THOC5: variants seen among roughly 807,000 people sequenced by gnomAD.
The protein encoded by THOC5 is Fms-interacting protein.
THOC5 carries 43 observed loss-of-function variants against 92.9 expected under a neutral mutation model. The observed-to-expected ratio is 0.46, with a 90% CI of 0.36 to 0.60. The LOEUF is 0.60. Among genes scored for constraint, THOC5 ranks in the 20% least tolerant of loss-of-function variants. THOC5 has a pLI of 0.00. For synonymous variants in THOC5, 296 were observed against 320.1 expected (o/e 0.92, Z 0.80); for missense variants, 659 against 849.4 (o/e 0.78, Z 2.79).
intron 8 of THOC5, 72 bp from the exon 9 acceptor site, chr22:29,529,311 C>A: frequency 6.6e-7 from 1 of 1,510,580 alleles, no homozygotes; most frequent in South Asian, 1.1e-5. Flanking sequence ...TAGGCCAGCT[C>A]TGGGGCTGCA....
At chr22:29,530,982 AGACT>A (rs1167644877) in intron 8 of THOC5, 4 of 952,080 alleles carry the variant, frequency 4.2e-6, no homozygotes, top group Non-Finnish European at 5.1e-6. Flanking sequence ...GGCAAACAAC[AGACT>A]ATTTTTTTCA....
intron 2 of THOC5, 132 bp from the exon 3 acceptor site, chr22:29,544,735 T>C: frequency 1.1e-6 from 1 of 906,452 alleles, no homozygotes; most frequent in Non-Finnish European, 1.6e-6. Flanking sequence ...CTCTAAAAGA[T>C]CTGGTCCTTA....
rs539460404 is a variant in THOC5 at position 29,524,223 on chromosome 22, G to A, written c.1175+1615C>T. Reference sequence around the variant, plus strand: ...AATCATAATTCTCCACTCTCTACCTGTGACCTTGAGGCTACCCCTTAACTG... The same window carrying A: ...AATCATAATTCTCCACTCTCTACCTATGACCTTGAGGCTACCCCTTAACTG... On this transcript the variant is annotated intron_variant, in intron 12 of 19. Transcript: ENST00000490103. Among the ~76,000 whole-genome samples the A allele has an allele frequency of 2.2e-4, 33 of 152,308 alleles. 1 individual carries two copies. The South Asian group carries it at 6.8e-3, about 32-fold the overall frequency.
chr22:29,508,371 C>G lies in THOC5; in HGVS notation c.*86G>C. On this transcript the variant is annotated 3_prime_UTR_variant, in exon 20 of 20. Coordinates refer to ENST00000490103, the MANE Select transcript of THOC5 (RefSeq NM_003678.5). ...ATTGGCTGGTGTCTTTGGAGAATAT[C>G]AAGAGTCACATGTGGGCCAGAGCAG... 1 of 1,363,624 alleles carries G rather than the reference C, an allele frequency of 7.3e-7. No individual in the cohort carries two copies. The allele number at this position is 1,363,624 out of a possible 1,614,324, so 84.5% of individuals were successfully genotyped here.
At position 29,528,127 on chromosome 22, in the gene THOC5, C is replaced by T; in HGVS notation, c.1017G>A (p.Glu339=). 6.2e-7 allele frequency: 1 copy of T among 1,614,210 alleles called. No individual in the cohort carries two copies. The highest frequency in any genetic ancestry group is 8.5e-7 in the Non-Finnish European group (1 of 1,180,040). Residue 339 remains glutamate (E), a synonymous_variant, in exon 11 of 20, where the codon GAG becomes GAA. Coordinates refer to ENST00000490103, the MANE Select transcript of THOC5 (RefSeq NM_003678.5). ...CAGACAGTGGGTGCCTCTTCAGCAT[C>T]TCCTTGCGTTTGTCGTCCAACTGAA... The part of the protein sequence containing the change: ...LGVQLDDKRK[E]MLKRHPLSVM...
At chr22:29,524,955 C>T (rs539487873) in intron 12 of THOC5, among the ~76,000 whole-genome samples, 3 of 152,308 alleles carry the variant, frequency 2.0e-5, no homozygotes, top group Admixed American at 2.0e-4. Flanking sequence ...GACCCTTCTT[C>T]CCGCCCATGT....
chr22:29,528,485 G>A lies in THOC5; in HGVS notation c.926-19C>T. 1 of 1,612,230 alleles carries A rather than the reference G, an allele frequency of 6.2e-7. No homozygotes were observed. The highest frequency in any genetic ancestry group is 8.5e-7 in the Non-Finnish European group (1 of 1,180,012). ...TCGTCATCTGCAGCCACAGAGAGAA[G>A]GCAGCTAGAGGTGAGGGGGCTCCAA... On this transcript the variant is annotated intron_variant, in intron 9 of 19. Transcript: ENST00000490103.
At chr22:29,549,377 T>A (rs1209302545) in intron 1 of THOC5, among the ~76,000 whole-genome samples, 5 of 152,172 alleles carry the variant, frequency 3.3e-5, no homozygotes, top group African/African-American at 4.8e-5. Flanking sequence ...CCACTCCCAC[T>A]GACCTCGGAA....
chr22:29,540,766 T>C (rs943108899), intron 5 of THOC5, among the ~76,000 whole-genome samples: 4 of 152,242 alleles, frequency 2.6e-5, no homozygotes, highest in South Asian at 2.1e-4. Flanking sequence ...CCAATGATAC[T>C]ATCTTATCTA....
chr22:29,534,576 G>T (rs1406251495), intron 7 of THOC5: 1 of 150,712 alleles, frequency 6.6e-6, no homozygotes, highest in East Asian at 1.9e-4. Context: ...ACTCGGGAAA[G>T]ACTGAACTAG....
intron 2 of THOC5, among the ~76,000 whole-genome samples, chr22:29,547,753 A>T (rs1368633384): frequency 1.3e-5 from 2 of 152,108 alleles, no homozygotes; most frequent in African/African-American, 4.8e-5. Context: ...AAGCCCTCCA[A>T]ACTGTTCCAA....
intron 17 of THOC5, among the ~76,000 whole-genome samples, chr22:29,514,191 C>T (rs2063286222): frequency 6.6e-6 from 1 of 152,190 alleles, no homozygotes; most frequent in Non-Finnish European, 1.5e-5. Context: ...CCTCGTGATC[C>T]ACCCGCCTCC....
chr22:29,552,170 C>T (rs2064167379), intron 1 of THOC5, among the ~76,000 whole-genome samples: 1 of 152,178 alleles, frequency 6.6e-6, no homozygotes, highest in South Asian at 2.1e-4. Context: ...CTTGGCCTCC[C>T]AAAGTGCCAA....
intron 7 of THOC5, 44 bp downstream of exon 7, chr22:29,536,580 C>G: frequency 4.2e-6 from 5 of 1,185,360 alleles, no homozygotes; most frequent in Non-Finnish European, 5.1e-6. Context: ...TCTGGCAGCG[C>G]CTGGTCAGTG....
At chr22:29,543,120 G>T (rs1569232062) in intron 4 of THOC5, among the ~76,000 whole-genome samples, 164 bp from the exon 5 acceptor site, 1 of 151,766 alleles carries the variant, frequency 6.6e-6, no homozygotes. Context: ...GAGGCGAGTG[G>T]ATCACCTGAG....
intron 14 of THOC5, among the ~76,000 whole-genome samples, chr22:29,519,368 G>C (rs1447549142): frequency 6.6e-6 from 1 of 152,254 alleles, no homozygotes; most frequent in Non-Finnish European, 1.5e-5. Context: ...CTTCTGCTAA[G>C]GGGCCAGGCC....
At chr22:29,513,554 G>A (rs947063742) in intron 17 of THOC5, among the ~76,000 whole-genome samples, 1 of 152,020 alleles carries the variant, frequency 6.6e-6, no homozygotes, top group Admixed American at 6.6e-5. Flanking sequence ...CAGGCCTAGT[G>A]GGACATGCTT....
chr22:29,517,047 G>C lies in THOC5; in HGVS notation c.1663C>G (p.Leu555Val). The change falls in exon 17 of 20, where the codon CTC becomes GTC. Residue 555 changes from leucine to valine, a missense_variant. Leu to Val is a conservative substitution (Grantham distance 32). Coordinates refer to ENST00000490103, the MANE Select transcript of THOC5 (RefSeq NM_003678.5). ...AGDTNLYYMA[L>V]IERGTAKLQA... ...CAATTACCTGTGCCCCTTTCGATGA[G>C]CGCCATGTAGTAGAGATTGGTGTCC... 1 of 1,614,144 alleles carries C rather than the reference G, an allele frequency of 6.2e-7. No homozygotes were observed.
rs369686336 is a variant in THOC5 at position 29,536,741 on chromosome 22, G to A, written c.600-3C>T. On this transcript the variant is annotated splice_region_variant and splice_polypyrimidine_tract_variant and intron_variant, in intron 6 of 19. Transcript: ENST00000490103. ...ACTCTCGGTACTTCTCTGCCAGCCT[G>A]TTGGGGGAGGAAAGAGCATTGTCAC... 6.4e-7 allele frequency: 1 copy of A among 1,560,730 alleles called. No individual in the cohort carries two copies. Among genetic ancestry groups the A allele is most frequent in the South Asian group, 1.1e-5 (1 of 90,000 alleles).
Sources: gnomAD v4.1 joint callset for allele counts (sites outside exome capture counted in the v4.1 genomes callset) on GRCh38, gnomAD v4.1.1 for gene constraint, MANE v1.5 for transcripts, NCBI Gene and HGNC (gene_info 2026-07-23, HGNC 2026-07-21) for gene names.